The following SFMBT2 variants were observed in gnomAD, a reference collection of about 807,000 sequenced individuals.
SFMBT2 encodes the protein Scm like with four mbt domains 2.
A neutral mutation model predicts 110.1 loss-of-function variants in SFMBT2; 38 were observed. The observed-to-expected ratio is 0.35, with a 90% CI of 0.27 to 0.45. The LOEUF is 0.45. Among genes scored for constraint, SFMBT2 ranks in the 20% least tolerant of loss-of-function variants. The pLI, the probability that SFMBT2 is intolerant of heterozygous loss-of-function variation, is 1.00. For missense variants in SFMBT2, 1,011 were observed against 1,094.9 expected, an observed-to-expected ratio of 0.92 and a Z score of 1.08; for synonymous variants, 425 against 425.4, an observed-to-expected ratio of 1.00 and a Z score of 0.01.
At chr10:7,259,847 T>C (rs1240436862) in intron 7 of SFMBT2, among the ~76,000 whole-genome samples, 1 of 152,204 alleles carries the variant, frequency 6.6e-6, no homozygotes, top group Non-Finnish European at 1.5e-5. Context: ...TCTGATGCTG[T>C]CTCAGCAAGA....
chr10:7,285,842 T>C (rs1263985089), intron 5 of SFMBT2, 24 bp downstream of exon 5: 1 of 868,676 alleles, frequency 1.2e-6, no homozygotes, highest in African/African-American at 1.6e-5. Context: ...AGAGATACAT[T>C]AGATGTATAA....
chr10:7,407,307 G>A (rs1277517567), intron 1 of SFMBT2, among the ~76,000 whole-genome samples: 3 of 144,584 alleles, frequency 2.1e-5, no homozygotes, highest in South Asian at 2.2e-4. Context: ...CCTTTTCTCC[G>A]ACCTGCTGGA....
chr10:7,406,334 T>C (rs929332191), intron 1 of SFMBT2, among the ~76,000 whole-genome samples: 2 of 152,114 alleles, frequency 1.3e-5, no homozygotes, highest in African/African-American at 4.8e-5. Flanking sequence ...GTAAATTTCC[T>C]TTACGGACTT....
At chr10:7,240,778 T>C (rs1427799559) in intron 9 of SFMBT2, among the ~76,000 whole-genome samples, 3 of 152,130 alleles carry the variant, frequency 2.0e-5, no homozygotes, top group African/African-American at 7.2e-5. Flanking sequence ...TGCCCAAGAG[T>C]CACTGAGCTT....
chr10:7,185,145 G>C (rs1157894056), intron 16 of SFMBT2, among the ~76,000 whole-genome samples: 1 of 152,158 alleles, frequency 6.6e-6, no homozygotes, highest in Non-Finnish European at 1.5e-5. Context: ...AATGTCTTAA[G>C]CTGGCCTGTT....
intron 6 of SFMBT2, chr10:7,277,312 G>A (rs1308246043): frequency 5.1e-6 from 1 of 194,852 alleles, no homozygotes; most frequent in Non-Finnish European, 9.3e-6. Flanking sequence ...GTCATCCATG[G>A]GCCAAAATTC....
intron 4 of SFMBT2, among the ~76,000 whole-genome samples, chr10:7,319,848 G>C (rs545594682): frequency 5.3e-5 from 8 of 151,118 alleles, no homozygotes; most frequent in Non-Finnish European, 1.0e-4. Flanking sequence ...AAGACAGAGA[G>C]ACAGAGAGAG....
intron 4 of SFMBT2, among the ~76,000 whole-genome samples, chr10:7,357,600 A>G (rs1465822210): frequency 6.6e-6 from 1 of 152,208 alleles, no homozygotes; most frequent in African/African-American, 2.4e-5. Flanking sequence ...TCCTAAACAT[A>G]AAATTTCTTG....
intron 4 of SFMBT2, among the ~76,000 whole-genome samples, chr10:7,297,958 T>A (rs1458167619): frequency 6.6e-6 from 1 of 152,160 alleles, no homozygotes; most frequent in African/African-American, 2.4e-5. Flanking sequence ...CACGGGCTGA[T>A]GCACATTCTC....
At position 7,283,278 on chromosome 10, in the gene SFMBT2, C is replaced by T. The variant is rs1255211104; in HGVS notation, c.772+626G>A. Among the ~76,000 whole-genome samples, 2 of 152,190 alleles carry T rather than the reference C, an allele frequency of 1.3e-5. 1 individual carries two copies. Among genetic ancestry groups the T allele is most frequent in the South Asian group, 4.1e-4 (2 of 4,832 alleles). The stretch of plus-strand genomic sequence containing the variant: ...AAGGCAGGATTCTTTCCAATTAAGC[C>T]TCTGCAAAGCCATTTGACAGTGCAT... On this transcript the variant is annotated intron_variant, in intron 6 of 20. Transcript: ENST00000397167.
intron 4 of SFMBT2, among the ~76,000 whole-genome samples, chr10:7,308,469 G>C (rs1165887328): frequency 6.6e-6 from 1 of 152,080 alleles, no homozygotes; most frequent in African/African-American, 2.4e-5. Context: ...AAAATTGAAA[G>C]GTGGAGGTCA....
At chr10:7,379,751 C>T (rs576639244) in intron 2 of SFMBT2, among the ~76,000 whole-genome samples, 2 of 152,248 alleles carry the variant, frequency 1.3e-5, no homozygotes, top group Middle Eastern at 3.4e-3. Context: ...AGGCCATCCC[C>T]GATGCAAGAG....
chr10:7,225,715 G>A (rs1024009965), intron 10 of SFMBT2, among the ~76,000 whole-genome samples: 1 of 152,092 alleles, frequency 6.6e-6, no homozygotes, highest in African/African-American at 2.4e-5. Context: ...GTGGGGCAAG[G>A]ACTATACTGC....
In SFMBT2 at chr10:7,320,079, A is replaced by T. The variant is rs149011114; in HGVS notation, c.437-34125T>A. ...GAGACAGAGAGAGAGACATAGAGAC[A>T]GAGAGAGACAGAGACAGAGAGAGAG... On this transcript the variant is annotated intron_variant, in intron 4 of 20. Transcript: ENST00000397167. Among the ~76,000 whole-genome samples the T allele has an allele frequency of 4.6e-5, 7 of 152,192 alleles. No homozygotes were observed. In the East Asian group the frequency reaches 1.4e-3, roughly 29 times the overall value.
chr10:7,185,563 T>C (rs747957808), intron 16 of SFMBT2, among the ~76,000 whole-genome samples: 8 of 152,204 alleles, frequency 5.3e-5, no homozygotes, highest in Non-Finnish European at 1.0e-4. Flanking sequence ...ACAGTGAAGA[T>C]CTGACTTTAT....
intron 6 of SFMBT2, among the ~76,000 whole-genome samples, chr10:7,282,105 G>C (rs1588415178): frequency 6.6e-6 from 1 of 152,072 alleles, no homozygotes; most frequent in African/African-American, 2.4e-5. Flanking sequence ...TGCCCTGCCT[G>C]TTCCAGAATC....
chr10:7,398,289 T>C (rs1455938102), intron 1 of SFMBT2, among the ~76,000 whole-genome samples: 1 of 152,164 alleles, frequency 6.6e-6, no homozygotes, highest in Non-Finnish European at 1.5e-5. Context: ...GAGCATAAGG[T>C]GAACAAATCA....
intron 1 of SFMBT2, among the ~76,000 whole-genome samples, chr10:7,400,578 C>A (rs1448179642): frequency 2.0e-5 from 3 of 152,198 alleles, no homozygotes; most frequent in Non-Finnish European, 2.9e-5. Context: ...AGGCAGGGGG[C>A]ACAGGCTTGG....
intron 4 of SFMBT2, among the ~76,000 whole-genome samples, chr10:7,319,080 G>A (rs142678846): frequency 5.3e-4 from 80 of 152,334 alleles, no homozygotes; most frequent in African/African-American, 1.6e-3. Flanking sequence ...CAGAGTTTCC[G>A]TGGGTGGATT....
Sources: gnomAD v4.1 joint callset for allele counts (sites outside exome capture counted in the v4.1 genomes callset) on GRCh38, gnomAD v4.1.1 for gene constraint, MANE v1.5 for transcripts, NCBI Gene and HGNC (gene_info 2026-07-23, HGNC 2026-07-21) for gene names.